The following PCDHA13 variants were observed in gnomAD, a reference collection of about 807,000 sequenced individuals.
PCDHA13 encodes the protein protocadherin alpha-13.
Under a neutral mutation model 64.8 loss-of-function variants are expected in PCDHA13, and 54 were observed. The observed-to-expected ratio is 0.83, with a 90% CI of 0.67 to 1.04. The LOEUF (loss-of-function observed/expected upper bound fraction) is 1.04. Among genes scored for constraint, PCDHA13 ranks in the 50% least tolerant of loss-of-function variants. PCDHA13 has a pLI of 0.00. For synonymous variants in PCDHA13, 587 were observed against 564.4 expected, an observed-to-expected ratio of 1.04 and a Z score of -0.57; for missense variants, 1,248 against 1,254.3, an observed-to-expected ratio of 0.99 and a Z score of 0.08.
At position 140,884,308 on chromosome 5, in the gene PCDHA13, G is replaced by T; in HGVS notation, c.2040G>T (p.Ser680=). 1 of 1,613,766 alleles carries T rather than the reference G, an allele frequency of 6.2e-7. No individual in the cohort carries two copies. The change falls in exon 1 of 4, where the codon TCG becomes TCT. Residue 680 remains serine (S), a synonymous_variant. Transcript: ENST00000289272. ...VESGQAPQAS[S]RASAGAVGPE... is the part of the protein sequence containing the mutation. ...GCGGCCAAGCGCCACAGGCTTCGTC[G>T]AGGGCGTCGGCAGGCGCTGTGGGTC...
Position 141,010,037 on chromosome 5 carries a change from C to A in PCDHA13, c.*100C>A. The A allele has an allele frequency of 1.3e-6, 2 of 1,582,242 alleles. No individual in the cohort carries two copies. The highest frequency in any genetic ancestry group is 1.2e-5 in the South Asian group (1 of 84,630). On this transcript the variant is annotated 3_prime_UTR_variant, in exon 4 of 4. Transcript: ENST00000289272. ...GCTCCTTTTTCCTATCTACATGAGC[C>A]CTCTTAGAGACCTCAGAAATCTGCA...
At chr5:140,898,573 T>C (rs1161265188) in intron 1 of PCDHA13, among the ~76,000 whole-genome samples, 3 of 152,250 alleles carry the variant, frequency 2.0e-5, no homozygotes, top group Non-Finnish European at 4.4e-5. Flanking sequence ...ACCAGTGCCA[T>C]GCTGTTTTGG....
intron 1 of PCDHA13, among the ~76,000 whole-genome samples, chr5:140,971,595 A>G (rs1228003229): frequency 6.6e-6 from 1 of 152,110 alleles, no homozygotes; most frequent in African/African-American, 2.4e-5. Flanking sequence ...CCTAGTTACT[A>G]CAGATGGCAG....
At chr5:140,905,343 G>C (rs2071757275) in intron 1 of PCDHA13, among the ~76,000 whole-genome samples, 1 of 152,148 alleles carries the variant, frequency 6.6e-6, no homozygotes, top group Non-Finnish European at 1.5e-5. Context: ...TCAGTTGGCT[G>C]TAAGTATTTG....
intron 1 of PCDHA13, chr5:140,928,710 T>C (rs1370353227): frequency 3.7e-6 from 6 of 1,614,192 alleles, no homozygotes; most frequent in Non-Finnish European, 5.1e-6. Context: ...CGTCTGACTC[T>C]AGTCTCTTTA....
At chr5:141,004,919 T>A (rs144687292) in intron 3 of PCDHA13, among the ~76,000 whole-genome samples, 2 of 152,264 alleles carry the variant, frequency 1.3e-5, no homozygotes, top group East Asian at 3.9e-4. Flanking sequence ...GGAAAAGGGT[T>A]TGGAAGAGAG....
intron 1 of PCDHA13, chr5:140,966,319 G>T: frequency 2.6e-6 from 1 of 388,824 alleles, no homozygotes; most frequent in Admixed American, 4.5e-5. Context: ...CCTGCGGTCC[G>T]CTGGGATCCG....
intron 3 of PCDHA13, among the ~76,000 whole-genome samples, chr5:141,003,426 C>T (rs1316658550): frequency 1.3e-5 from 2 of 152,144 alleles, no homozygotes; most frequent in African/African-American, 4.8e-5. Context: ...ATTCTTATGC[C>T]TCAGCCTCCC....
At chr5:140,946,151 C>T (rs943826321) in intron 1 of PCDHA13, among the ~76,000 whole-genome samples, 6 of 151,694 alleles carry the variant, frequency 4.0e-5, no homozygotes, top group East Asian at 1.9e-4. Context: ...ACAAATAACA[C>T]GATTTAAAAG....
chr5:140,890,646 C>A (rs1332050034), intron 1 of PCDHA13, among the ~76,000 whole-genome samples: 4 of 152,082 alleles, frequency 2.6e-5, no homozygotes, highest in African/African-American at 9.7e-5. Flanking sequence ...CTTGATATAT[C>A]AAAATCAAAA....
At chr5:140,902,301 G>A (rs943083254) in intron 1 of PCDHA13, among the ~76,000 whole-genome samples, 1 of 149,570 alleles carries the variant, frequency 6.7e-6, no homozygotes, top group African/African-American at 2.5e-5. Context: ...GCCTCCCAAA[G>A]TGCTGGGATT....
rs142570778 is a variant in PCDHA13 at position 141,009,810 on chromosome 5, A to G, written c.2726A>G (p.Asp909Gly). ...CAGGAGCCTACTAACAGCCAAATTG[A>G]CAAAAGTGACTTCATAACCTTCGGC... ...IRQEPTNSQI[D>G]KSDFITFGKK... The change falls in exon 4 of 4, where the codon GAC (aspartate) becomes GGC (glycine). Residue 909 changes from aspartate to glycine, a missense_variant. Asp to Gly is a moderately conservative substitution (Grantham distance 94). Transcript: ENST00000289272. 8 of 1,614,016 alleles carry G rather than the reference A, an allele frequency of 5.0e-6. No individual in the cohort carries two copies. Among genetic ancestry groups the G allele is most frequent in the Admixed American group, 3.3e-5 (2 of 60,000 alleles).
chr5:140,926,703 C>G (rs2083476417), intron 1 of PCDHA13: 2 of 835,304 alleles, frequency 2.4e-6, no homozygotes, highest in Admixed American at 7.4e-5. Context: ...CGGCTCCCAG[C>G]TGGCCAGCCC....
At chr5:140,971,895 T>C (rs1554233682) in intron 1 of PCDHA13, among the ~76,000 whole-genome samples, 2 of 151,872 alleles carry the variant, frequency 1.3e-5, no homozygotes, top group Non-Finnish European at 2.9e-5. Context: ...TCAGGGAGGT[T>C]AGGTAATCTA....
intron 1 of PCDHA13, among the ~76,000 whole-genome samples, chr5:140,953,120 C>T (rs2094851215): frequency 6.6e-6 from 1 of 152,154 alleles, no homozygotes; most frequent in South Asian, 2.1e-4. Context: ...GGACACAGAT[C>T]TAAACCGTAT....
At chr5:141,003,870 C>A (rs1345140541) in intron 3 of PCDHA13, among the ~76,000 whole-genome samples, 8 of 152,148 alleles carry the variant, frequency 5.3e-5, no homozygotes, top group Admixed American at 3.9e-4. Flanking sequence ...GTCTGAAATC[C>A]TCCTTCTAGC....
At chr5:141,005,488 G>A (rs138290389) in intron 3 of PCDHA13, among the ~76,000 whole-genome samples, 2,990 of 151,856 alleles carry the variant, frequency 0.02, 115 homozygotes, top group African/African-American at 0.068. Flanking sequence ...CGGATCATGA[G>A]GTCAGGAGAT....
In PCDHA13 at chr5:140,921,062, C is replaced by T. The variant is rs377176575; in HGVS notation, c.2394+36400C>T. 1.3e-4 allele frequency among the ~76,000 whole-genome samples: 20 copies of T among 151,872 alleles called. No homozygotes were observed. The South Asian group carries it at 4.2e-3, about 32-fold the overall frequency. The stretch of plus-strand genomic sequence containing the variant: ...TGGGGCAATCATAGCTCACTCTAAC[C>T]TTGAACTCTTGGGCTCAAGAGAATC... On this transcript the variant is annotated intron_variant, in intron 1 of 3. Coordinates refer to ENST00000289272, the MANE Select transcript of PCDHA13 (RefSeq NM_018904.3).
intron 1 of PCDHA13, among the ~76,000 whole-genome samples, chr5:140,916,543 G>A (rs1554197499): frequency 6.6e-6 from 1 of 152,152 alleles, no homozygotes; most frequent in Non-Finnish European, 1.5e-5. Context: ...AAGGCAATGG[G>A]TTTTCTATTT....
Sources: allele counts gnomAD v4.1 joint callset (sites outside exome capture counted in the v4.1 genomes callset), GRCh38; gene constraint gnomAD v4.1.1; transcripts MANE v1.5; gene names NCBI Gene and HGNC (gene_info 2026-07-23, HGNC 2026-07-21).